Variants in FAHD2B observed in about 807,000 individuals in gnomAD.
FAHD2B encodes fumarylacetoacetate hydrolase domain containing 2B, also known as oxaloacetate tautomerase FAHD2B, mitochondrial.
FAHD2B carries 26 observed loss-of-function variants against 33.7 expected under a neutral mutation model. The ratio of observed to expected loss-of-function variants is 0.77; its 90% CI spans 0.57 to 1.07. The LOEUF (loss-of-function observed/expected upper bound fraction) is 1.07, where lower values mean the gene tolerates loss of function less well. FAHD2B is among the 50% of genes least tolerant of loss of function. The pLI is 0.00. For synonymous variants in FAHD2B, 108 were observed against 150.9 expected (o/e 0.72, Z 2.08); for missense variants, 272 against 388.1 (o/e 0.70, Z 2.51).
At chr2:97,092,557 T>C (rs1399037947) in intron 1 of FAHD2B, among the ~76,000 whole-genome samples, 1 of 152,162 alleles carries the variant, frequency 6.6e-6, no homozygotes. Flanking sequence ...AGTGACTTTC[T>C]GCTAAATGAA....
chr2:97,084,393 G>T, intron 6 of FAHD2B, 116 bp from the exon 7 acceptor site: 7 of 1,185,846 alleles, frequency 5.9e-6, no homozygotes, highest in Non-Finnish European at 8.4e-6. Context: ...GGGCTTTAAA[G>T]TGCCCACATT....
intron 1 of FAHD2B, among the ~76,000 whole-genome samples, chr2:97,092,836 G>A (rs1042692202): frequency 4.6e-5 from 7 of 151,660 alleles, no homozygotes; most frequent in Non-Finnish European, 8.8e-5. Flanking sequence ...AGCCAGGACT[G>A]GTGGCGGGCA....
downstream of FAHD2B, chr2:97,082,598 G>C: frequency 6.4e-7 from 1 of 1,573,372 alleles, no homozygotes; most frequent in Non-Finnish European, 8.7e-7. Flanking sequence ...TGTCCAGTCT[G>C]AGTTCTATCC....
Position 97,083,609 on chromosome 2 carries a change from G to A in FAHD2B, c.*146C>T. On this transcript the variant is annotated 3_prime_UTR_variant, in exon 9 of 9. Transcript: ENST00000414820. ...GCTGCTTTGACCCGACGCATTTATT[G>A]AAGAGAGCTCTGTCCTTCTCCCTTC... The A allele has an allele frequency of 7.5e-7, 1 of 1,335,622 alleles. No individual in the cohort carries two copies. The highest frequency in any genetic ancestry group is 1.0e-6 in the Non-Finnish European group (1 of 971,274). The allele number at this position is 1,335,622 out of a possible 1,614,324, so 82.7% of individuals were successfully genotyped here. A position where few individuals can be genotyped will look rare whatever the true frequency, so the allele number is the denominator to read the frequency against.
At position 97,091,867 on chromosome 2, in the gene FAHD2B, T is replaced by A; in HGVS notation, c.-11A>T. ...CGGTCCAGGCTTGTATTTTACCTGC[T>A]ATACTTCATAAGGTGAAACTTTTGT... On this transcript the variant is annotated 5_prime_UTR_variant, in exon 2 of 9. Coordinates refer to ENST00000414820, the MANE Select transcript of FAHD2B (RefSeq NM_001320848.2). 1.7e-5 allele frequency: 19 copies of A among 1,135,204 alleles called. No individual in the cohort carries two copies. Among genetic ancestry groups the A allele is most frequent in the Non-Finnish European group, 2.3e-5 (19 of 820,932 alleles). 70.3% of individuals were successfully genotyped at this position (1,135,204 alleles called of 1,614,324 possible).
chr2:97,081,914 T>G (rs2031657222), downstream of FAHD2B: 13 of 613,350 alleles, frequency 2.1e-5, 1 homozygote, highest in African/African-American at 6.2e-5. Flanking sequence ...CTGCTTTTAC[T>G]GGTTTCACCT....
Position 97,090,098 on chromosome 2 carries a change from G to A in FAHD2B, c.462+11C>T, listed in dbSNP as rs1348950922. The A allele has an allele frequency of 6.6e-7, 1 of 1,513,592 alleles. No homozygotes were observed. Among genetic ancestry groups the A allele is most frequent in the East Asian group, 2.3e-5 (1 of 43,290 alleles). 93.8% of individuals were successfully genotyped at this position (1,513,592 alleles called of 1,614,324 possible). ...CCCAGTGACTAGGGAGGGCAGTGGG[G>A]AGGCACTGACCTGGCTCTGTGGTGG... On this transcript the variant is annotated intron_variant, in intron 4 of 8. Transcript: ENST00000414820.
At chr2:97,083,549 A>T (rs1376303024), downstream of FAHD2B, 18 of 996,938 alleles carry the variant, frequency 1.8e-5, no homozygotes, top group South Asian at 1.9e-4. Flanking sequence ...CCATGAAACA[A>T]AGCCCAAAAG....
intron 4 of FAHD2B, chr2:97,089,747 G>A (rs1213093913): frequency 4.7e-6 from 1 of 214,700 alleles, no homozygotes; most frequent in East Asian, 1.0e-4. Context: ...TCCTGATGGA[G>A]TCTTAAGTAA....
At chr2:97,081,867 G>A, downstream of FAHD2B, 2 of 558,978 alleles carry the variant, frequency 3.6e-6, no homozygotes, top group East Asian at 2.9e-5. Flanking sequence ...AGCAGGTGCT[G>A]GGGCATGGCT....
At chr2:97,082,754 T>C, downstream of FAHD2B, 2 of 1,555,410 alleles carry the variant, frequency 1.3e-6, no homozygotes, top group Non-Finnish European at 1.8e-6. Flanking sequence ...TTCAGAGACC[T>C]AGGGGTGAGA....
chr2:97,094,112 C>G (rs1965860), intron 1 of FAHD2B, among the ~76,000 whole-genome samples: 29 of 152,220 alleles, frequency 1.9e-4, no homozygotes, highest in African/African-American at 6.0e-4. Context: ...AGGAGATCCT[C>G]CAGAGGCCCT....
chr2:97,088,079 G>T (rs529920532), intron 4 of FAHD2B, among the ~76,000 whole-genome samples: 14 of 152,190 alleles, frequency 9.2e-5, no homozygotes, highest in South Asian at 8.4e-4. Flanking sequence ...GAAAGGGCAG[G>T]GGGGATTGTT....
intron 4 of FAHD2B, chr2:97,086,664 AC>A (rs1328819092): frequency 6.3e-6 from 1 of 157,876 alleles, no homozygotes; most frequent in African/African-American, 2.4e-5. Context: ...TGGCCACAAA[AC>A]ATGAAAAAAT....
At chr2:97,083,098 A>G (rs2031715211), downstream of FAHD2B, 1 of 1,504,692 alleles carries the variant, frequency 6.6e-7, no homozygotes, top group Non-Finnish European at 8.9e-7. Context: ...ATGCAGACAC[A>G]GTCCCTGTGG....
downstream of FAHD2B, chr2:97,081,861 G>A (rs931479382): frequency 1.1e-5 from 6 of 553,912 alleles, no homozygotes; most frequent in African/African-American, 8.4e-5. Flanking sequence ...TGGCCCAGCA[G>A]GTGCTGGGGC....
chr2:97,078,885 T>C (rs1360456970), downstream of FAHD2B, among the ~76,000 whole-genome samples: 1 of 152,022 alleles, frequency 6.6e-6, no homozygotes, highest in African/African-American at 2.4e-5. Context: ...TAGTATCCAT[T>C]AGTTATTTTT....
At chr2:97,093,295 AAC>A in intron 1 of FAHD2B, among the ~76,000 whole-genome samples, 1 of 152,086 alleles carries the variant, frequency 6.6e-6, no homozygotes. Flanking sequence ...TTGACTAGAA[AAC>A]AGAGTTTTGA....
At chr2:97,081,097 C>G (rs2031627657), downstream of FAHD2B, 2 of 1,510,378 alleles carry the variant, frequency 1.3e-6, no homozygotes, top group Non-Finnish European at 1.8e-6. Flanking sequence ...CCCTCCGCCC[C>G]CAGCCTGTGC....
Sources: allele counts gnomAD v4.1 joint callset (sites outside exome capture counted in the v4.1 genomes callset), GRCh38; gene constraint gnomAD v4.1.1; transcripts MANE v1.5; gene names NCBI Gene and HGNC (gene_info 2026-07-23, HGNC 2026-07-21).